Variants in TIGD4 observed in about 807,000 individuals in gnomAD.
TIGD4 encodes tigger transposable element derived 4, also known as tigger transposable element-derived protein 4.
In TIGD4, 20 loss-of-function variants were observed where a neutral mutation model predicts 24.9. That is an observed-to-expected ratio of 0.80 (90% CI 0.56 to 1.17). The LOEUF is 1.17. Among genes scored for constraint, TIGD4 ranks in the 50% most tolerant of loss-of-function variants. TIGD4 has a pLI of 0.00. For synonymous variants in TIGD4, 193 were observed against 211.0 expected, an observed-to-expected ratio of 0.91 and a Z score of 0.74; for missense variants, 566 against 591.0, an observed-to-expected ratio of 0.96 and a Z score of 0.44.
intron 1 of TIGD4, among the ~76,000 whole-genome samples, chr4:152,773,666 A>AG (rs202163918): frequency 0.041 from 5,181 of 126,100 alleles, 488 homozygotes; most frequent in African/African-American, 0.13. Flanking sequence ...AAAAAAAAAA[A>AG]GCAACATTAG....
chr4:152,772,683 C>G lies in TIGD4; in HGVS notation c.-538-1141G>C, dbSNP rs151033534. Reference sequence around the variant, plus strand: ...TTGCAAACAGAAGCAAGAATCCCACCTTAAATCTATACTCAAAGTAGGGCT... The same window carrying G: ...TTGCAAACAGAAGCAAGAATCCCACGTTAAATCTATACTCAAAGTAGGGCT... On this transcript the variant is annotated intron_variant, in intron 1 of 1. Coordinates refer to ENST00000304337, the MANE Select transcript of TIGD4 (RefSeq NM_145720.4). Among the ~76,000 whole-genome samples, 13 of 151,966 alleles carry G rather than the reference C, an allele frequency of 8.6e-5. No individual in the cohort carries two copies. The East Asian group carries it at 2.5e-3, about 29-fold the overall frequency.
intron 1 of TIGD4, among the ~76,000 whole-genome samples, chr4:152,778,686 A>C (rs1730313207): frequency 6.6e-6 from 1 of 152,198 alleles, no homozygotes; most frequent in South Asian, 2.1e-4. Context: ...CATTGGAAAC[A>C]TTTATGGTGC....
chr4:152,773,088 C>T (rs1730205130), intron 1 of TIGD4, among the ~76,000 whole-genome samples: 1 of 152,168 alleles, frequency 6.6e-6, no homozygotes, highest in Admixed American at 6.5e-5. Flanking sequence ...TCTACTTTCC[C>T]AAGTCAGCAC....
In TIGD4 at chr4:152,770,437, G is replaced by A. The variant is rs762643422; in HGVS notation, c.568C>T (p.Arg190Ter). ...GCAAATGTATTGGTAGGTAACATTCGATAAAGCAGCCCAGTCTCTTTTATA... is the reference window on the plus strand; with the variant it reads ...GCAAATGTATTGGTAGGTAACATTCAATAAAGCAGCCCAGTCTCTTTTATA... ...FNIKETGLLY[R>*]MLPTNTFAFK... The change falls in exon 2 of 2, where the codon CGA becomes TGA. Residue 190 changes from arginine (R) to a stop codon, truncating the protein, a stop_gained. Transcript: ENST00000304337. LOFTEE classifies it high-confidence loss of function. 8 of 1,613,392 alleles carry A rather than the reference G, an allele frequency of 5.0e-6. No homozygotes were observed. The highest frequency in any genetic ancestry group is 1.6e-4 in the Middle Eastern group (1 of 6,082).
chr4:152,771,249 G>C lies in TIGD4; in HGVS notation c.-245C>G. 1 of 369,884 alleles carries C rather than the reference G, an allele frequency of 2.7e-6. No individual in the cohort carries two copies. The highest frequency in any genetic ancestry group is 5.0e-6 in the Non-Finnish European group (1 of 201,602). The allele number at this position is 369,884 out of a possible 1,614,324, so 22.9% of individuals were successfully genotyped here. ...AGAGAAACTTCCTTCCTAGTACCTTGTATAGCTCAGTTTATAGCTTATTCA... is the reference window on the plus strand; with the variant it reads ...AGAGAAACTTCCTTCCTAGTACCTTCTATAGCTCAGTTTATAGCTTATTCA... On this transcript the variant is annotated 5_prime_UTR_variant, in exon 2 of 2. Coordinates refer to ENST00000304337, the MANE Select transcript of TIGD4 (RefSeq NM_145720.4).
intron 1 of TIGD4, among the ~76,000 whole-genome samples, chr4:152,773,854 T>C (rs1428433106): frequency 6.6e-6 from 1 of 152,146 alleles, no homozygotes; most frequent in Non-Finnish European, 1.5e-5. Flanking sequence ...TATGCAATTA[T>C]TTCAAAATAA....
At chr4:152,772,821 C>T (rs973203610) in intron 1 of TIGD4, among the ~76,000 whole-genome samples, 5 of 152,046 alleles carry the variant, frequency 3.3e-5, no homozygotes, top group Non-Finnish European at 7.4e-5. Context: ...ATGCGATTCT[C>T]CTGCCTCAGC....
Position 152,770,163 on chromosome 4 carries a change from C to T in TIGD4, c.842G>A (p.Arg281Gln), listed in dbSNP as rs376645211. 15 of 1,613,968 alleles carry T rather than the reference C, an allele frequency of 9.3e-6. No homozygotes were observed. Among genetic ancestry groups the T allele is most frequent in the Middle Eastern group, 1.6e-4 (1 of 6,084 alleles). The change falls in exon 2 of 2, where the codon CGA becomes CAA. Residue 281 changes from arginine to glutamine, a missense_variant. Arg to Gln is a conservative substitution (Grantham distance 43). Coordinates refer to ENST00000304337, the MANE Select transcript of TIGD4 (RefSeq NM_145720.4). ...AGACTCAACAAAAATCACCACTCTTCGTTGCTGGGCTTGAAATTCCTCATC... is the reference window on the plus strand; with the variant it reads ...AGACTCAACAAAAATCACCACTCTTTGTTGCTGGGCTTGAAATTCCTCATC... Reference protein sequence around the residue: ...KLDEEFQAQQRRVVIFVESFP... With the variant: ...KLDEEFQAQQQRVVIFVESFP...
At position 152,769,816 on chromosome 4, in the gene TIGD4, C is replaced by T. The variant is rs779872698; in HGVS notation, c.1189G>A (p.Gly397Ser). The change falls in exon 2 of 2, where the codon GGT becomes AGT. Residue 397 changes from glycine (G) to serine (S), a missense_variant. Coordinates refer to ENST00000304337, the MANE Select transcript of TIGD4 (RefSeq NM_145720.4). ...SDITNAEKDT[G>S]LDLVADALGA... is the part of the protein sequence containing the mutation. ...AGAGCATCAGCAACCAAATCCAGAC[C>T]AGTATCCTTCTCTGCATTTGTTATG... is the stretch of plus-strand genomic sequence containing the variant. 1.2e-6 allele frequency: 2 copies of T among 1,613,184 alleles called. No individual in the cohort carries two copies. The highest frequency in any genetic ancestry group is 1.7e-6 in the Non-Finnish European group (2 of 1,179,898).
At position 152,769,873 on chromosome 4, in the gene TIGD4, C is replaced by A; in HGVS notation, c.1132G>T (p.Ala378Ser). 6.2e-7 allele frequency: 1 copy of A among 1,613,210 alleles called. No homozygotes were observed. Among genetic ancestry groups the A allele is most frequent in the Non-Finnish European group, 8.5e-7 (1 of 1,179,414 alleles). ...PETIVKSYEE[A>S]GFKSQKGESD... is the part of the protein sequence containing the mutation. ...TCTCCCTTTTGAGATTTGAATCCTGCCTCTTCATAGCTTTTAACAATAGTC... is the reference window on the plus strand; with the variant it reads ...TCTCCCTTTTGAGATTTGAATCCTGACTCTTCATAGCTTTTAACAATAGTC... The change falls in exon 2 of 2, where the codon GCA (alanine) becomes TCA (serine). Residue 378 changes from alanine to serine, a missense_variant. By Grantham distance (99) the Ala-to-Ser change is moderately conservative (BLOSUM62 1). Transcript: ENST00000304337.
intron 1 of TIGD4, among the ~76,000 whole-genome samples, chr4:152,778,181 A>G (rs1218319124): frequency 4.6e-5 from 7 of 152,208 alleles, no homozygotes; most frequent in Admixed American, 4.6e-4. Flanking sequence ...AGAGTCTGAC[A>G]GTCTAATAGT....
At chr4:152,771,975 G>A (rs1410482768) in intron 1 of TIGD4, among the ~76,000 whole-genome samples, 1 of 152,014 alleles carries the variant, frequency 6.6e-6, no homozygotes, top group Non-Finnish European at 1.5e-5. Context: ...ATAGCATATG[G>A]GAGACAGTGT....
rs1730137816 is a variant in TIGD4 at position 152,770,113 on chromosome 4, T to G, written c.892A>C (p.Asn298His). 1 of 1,613,976 alleles carries G rather than the reference T, an allele frequency of 6.2e-7. No homozygotes were observed. Among genetic ancestry groups the G allele is most frequent in the Admixed American group, 1.7e-5 (1 of 60,008 alleles). Residue 298 changes from asparagine (N) to histidine (H), a missense_variant, in exon 2 of 2, where the codon AAC becomes CAC. Transcript: ENST00000304337. ...ESFPAHPEVK[N>H]LKSIELAFFP... ...AATGCTAACTCAATGGATTTTAGGT[T>G]CTTTACCTCTGGATGTGCTGGAAAA...
At chr4:152,773,551 T>C (rs1267087135) in intron 1 of TIGD4, among the ~76,000 whole-genome samples, 4 of 150,842 alleles carry the variant, frequency 2.7e-5, no homozygotes, top group African/African-American at 9.8e-5. Context: ...TATATTACAG[T>C]ATCTTTGAAT....
In TIGD4 at chr4:152,771,420, C is replaced by T. The variant is rs1276528214; in HGVS notation, c.-416G>A. On this transcript the variant is annotated 5_prime_UTR_variant, in exon 2 of 2. Transcript: ENST00000304337. ...CCTCCTATTAATTCTCCATAGAAGGCCTCAGAGATAAGAAAAAACGTTCAA... is the reference window on the plus strand; with the variant it reads ...CCTCCTATTAATTCTCCATAGAAGGTCTCAGAGATAAGAAAAAACGTTCAA... 1.2e-5 allele frequency: 2 copies of T among 168,302 alleles called. No homozygotes were observed. The highest frequency in any genetic ancestry group is 1.9e-4 in the East Asian group (1 of 5,224). 10.4% of individuals were successfully genotyped at this position (168,302 alleles called of 1,614,324 possible). A position where few individuals can be genotyped will look rare whatever the true frequency, so the allele number is the denominator to read the frequency against.
chr4:152,774,734 T>C (rs542586255), intron 1 of TIGD4, among the ~76,000 whole-genome samples: 2 of 151,970 alleles, frequency 1.3e-5, no homozygotes, highest in Admixed American at 6.6e-5. Context: ...AATCTTCTTT[T>C]AAAAAAAACA....
intron 1 of TIGD4, among the ~76,000 whole-genome samples, chr4:152,779,265 A>C (rs868595739): frequency 6.6e-6 from 1 of 152,250 alleles, no homozygotes; most frequent in Non-Finnish European, 1.5e-5. Context: ...AAAAGTATCA[A>C]GGAATCTACT....
At position 152,769,494 on chromosome 4, in the gene TIGD4, T is replaced by C; in HGVS notation, c.1511A>G (p.Asn504Ser). 6.4e-7 allele frequency: 1 copy of C among 1,562,686 alleles called. No homozygotes were observed. The highest frequency in any genetic ancestry group is 8.7e-7 in the Non-Finnish European group (1 of 1,155,614). The change falls in exon 2 of 2, where the codon AAT becomes AGT. Residue 504 changes from asparagine to serine, a missense_variant. Transcript: ENST00000304337. ...GLQNSLADLE[N>S]FINSLSPK ...CTTAGGTGATAAAGAGTTAATAAAA[T>C]TTTCAAGGTCTGCTAAAGAATTTTG...
chr4:152,775,270 C>T (rs1186151990), intron 1 of TIGD4, among the ~76,000 whole-genome samples: 1 of 152,180 alleles, frequency 6.6e-6, no homozygotes, highest in Non-Finnish European at 1.5e-5. Context: ...TAATTTCTTA[C>T]AAATGTATTA....
Sources: gnomAD v4.1 joint callset for allele counts (sites outside exome capture counted in the v4.1 genomes callset) on GRCh38, gnomAD v4.1.1 for gene constraint, MANE v1.5 for transcripts, NCBI Gene and HGNC (gene_info 2026-07-23, HGNC 2026-07-21) for gene names.